The following MTCL3 variants were observed in gnomAD, a reference collection of about 807,000 sequenced individuals.
MTCL3 encodes the protein MTCL family member 3, also known as microtubule cross-linking factor 3.
the MTCL3 span, among the ~76,000 whole-genome samples, chr6:127,494,810 T>C: frequency 6.6e-6 from 1 of 152,154 alleles, no homozygotes; most frequent in Non-Finnish European, 1.5e-5. Flanking sequence ...TTCTTTAATA[T>C]ATCATGTATT....
the MTCL3 span, among the ~76,000 whole-genome samples, chr6:127,495,041 C>T: frequency 6.6e-6 from 1 of 151,704 alleles, no homozygotes; most frequent in Non-Finnish European, 1.5e-5. Context: ...ACTAAAAATA[C>T]AAAAAAGTAG....
the MTCL3 span, chr6:127,473,531 C>A: frequency 1.8e-6 from 1 of 560,896 alleles, no homozygotes; most frequent in Non-Finnish European, 2.9e-6. Context: ...TCTATAAAAT[C>A]TGAAAGCCTA....
chr6:127,512,591 C>T, the MTCL3 span, among the ~76,000 whole-genome samples: 2 of 152,166 alleles, frequency 1.3e-5, no homozygotes, highest in Non-Finnish European at 2.9e-5. Flanking sequence ...ACGCTTGACA[C>T]TCTTTGCATT....
the MTCL3 span, among the ~76,000 whole-genome samples, chr6:127,493,476 T>C: frequency 1.3e-5 from 2 of 152,188 alleles, no homozygotes; most frequent in African/African-American, 2.4e-5. Context: ...AGTCCTGGAT[T>C]TTTCACTTTG....
the MTCL3 span, among the ~76,000 whole-genome samples, chr6:127,507,668 C>G: frequency 3.3e-4 from 50 of 151,704 alleles, no homozygotes; most frequent in African/African-American, 1.1e-3. Flanking sequence ...ACAGTGAAAC[C>G]CTGTCTCTAC....
chr6:127,477,455 G>A, the MTCL3 span, among the ~76,000 whole-genome samples: 1 of 152,116 alleles, frequency 6.6e-6, no homozygotes, highest in Non-Finnish European at 1.5e-5. Context: ...TGTGTACTTT[G>A]AGCCAATCAT....
chr6:127,474,047 T>C, the MTCL3 span, among the ~76,000 whole-genome samples: 1 of 152,296 alleles, frequency 6.6e-6, no homozygotes, highest in East Asian at 1.9e-4. Context: ...TGAATTAGTG[T>C]TGCCTTCAAG....
the MTCL3 span, chr6:127,516,040 G>A: frequency 3.2e-6 from 5 of 1,559,074 alleles, no homozygotes; most frequent in Non-Finnish European, 2.6e-6. Context: ...GCCCCTGGGC[G>A]GCGGCGGCTG....
At chr6:127,496,507 A>G in the MTCL3 span, among the ~76,000 whole-genome samples, 2 of 152,230 alleles carry the variant, frequency 1.3e-5, no homozygotes, top group Admixed American at 1.3e-4. Flanking sequence ...TGAAAACTAG[A>G]AATCCTGTTT....
chr6:127,473,413 CA>C, the MTCL3 span: 1 of 1,473,488 alleles, frequency 6.8e-7, no homozygotes, highest in Non-Finnish European at 9.1e-7. Flanking sequence ...AATGCAAAGA[CA>C]AAGAGAAGAG....
chr6:127,475,212 G>C, the MTCL3 span: 4 of 1,446,084 alleles, frequency 2.8e-6, no homozygotes, highest in Middle Eastern at 2.6e-4. The surrounding 1 kb of genome is among the most constrained non-coding windows in gnomAD (Gnocchi z 7.3). Context: ...GCGGCAGTCC[G>C]GGCGCCGAGA....
At chr6:127,488,833 A>AT in the MTCL3 span, among the ~76,000 whole-genome samples, 2 of 152,100 alleles carry the variant, frequency 1.3e-5, no homozygotes, top group East Asian at 1.9e-4. Context: ...CACAGATTGA[A>AT]TTTTTTTTAA....
chr6:127,494,266 T>C, the MTCL3 span, among the ~76,000 whole-genome samples: 6 of 152,218 alleles, frequency 3.9e-5, no homozygotes, highest in African/African-American at 1.4e-4. Flanking sequence ...TGCACCAATT[T>C]AAGTGTACAG....
the MTCL3 span, chr6:127,518,629 T>G: frequency 6.6e-6 from 1 of 152,278 alleles, no homozygotes; most frequent in African/African-American, 2.4e-5. Context: ...AACAGCACTT[T>G]CCTTCTGATA....
At chr6:127,489,368 G>A in the MTCL3 span, among the ~76,000 whole-genome samples, 1 of 152,100 alleles carries the variant, frequency 6.6e-6, no homozygotes. Context: ...CCCTACAATG[G>A]CCTCTAAGTT....
chr6:127,514,210 A>T, the MTCL3 span, among the ~76,000 whole-genome samples: 108 of 152,330 alleles, frequency 7.1e-4, no homozygotes, highest in African/African-American at 2.5e-3. Flanking sequence ...ATTGCACTTT[A>T]AAAAAATGAG....
At chr6:127,480,990 C>A in the MTCL3 span, among the ~76,000 whole-genome samples, 2 of 152,018 alleles carry the variant, frequency 1.3e-5, no homozygotes, top group African/African-American at 4.8e-5. Context: ...AGTTTTTGTC[C>A]ATGAAATAAA....
chr6:127,506,800 C>T, the MTCL3 span, among the ~76,000 whole-genome samples: 81 of 152,086 alleles, frequency 5.3e-4, no homozygotes, highest in African/African-American at 1.8e-3. Flanking sequence ...AGGGTGGTCT[C>T]GATCTCCTGA....
At chr6:127,494,038 T>G in the MTCL3 span, among the ~76,000 whole-genome samples, 15 of 152,314 alleles carry the variant, frequency 9.8e-5, no homozygotes, top group African/African-American at 3.4e-4. Flanking sequence ...GGTGTGGGAA[T>G]CAGAATTATC....
Sources: gnomAD v4.1 joint callset for allele counts (sites outside exome capture counted in the v4.1 genomes callset) on GRCh38, gnomAD v4.1.1 for gene constraint, Gnocchi (gnomAD v3.1) non-coding constraint, MANE v1.5 for transcripts, NCBI Gene and HGNC (gene_info 2026-07-23, HGNC 2026-07-21) for gene names.